ME1: variants seen among roughly 807,000 people sequenced by gnomAD.
ME1 encodes the protein malic enzyme 1, also known as NADP-dependent malic enzyme.
In ME1, 74 loss-of-function variants were observed where a neutral mutation model predicts 66.4. The ratio of observed to expected loss-of-function variants is 1.11; its 90% CI spans 0.92 to 1.35. The LOEUF is 1.35. Ranked by LOEUF, ME1 falls within the 40% of genes most tolerant of loss-of-function variation. The pLI, the probability that ME1 is intolerant of heterozygous loss-of-function variation, is 0.00. For synonymous variants in ME1, 251 were observed against 235.6 expected (o/e 1.07, Z -0.60); for missense variants, 750 against 694.1 (o/e 1.08, Z -0.90).
intron 3 of ME1, among the ~76,000 whole-genome samples, chr6:83,368,480 A>G (rs978621872): frequency 1.3e-5 from 2 of 151,950 alleles, no homozygotes; most frequent in Admixed American, 6.6e-5. Context: ...ATATTTCCAC[A>G]TGTTTTGCAT....
At chr6:83,354,580 A>G (rs1009002350) in intron 3 of ME1, among the ~76,000 whole-genome samples, 3 of 152,208 alleles carry the variant, frequency 2.0e-5, no homozygotes, top group African/African-American at 7.2e-5. Context: ...TTGGCTCCTC[A>G]GACAGGCCTT....
intron 1 of ME1, among the ~76,000 whole-genome samples, chr6:83,424,176 A>T (rs1770324421): frequency 6.6e-6 from 1 of 152,150 alleles, no homozygotes; most frequent in African/African-American, 2.4e-5. Context: ...TAGAGATATA[A>T]GAGGATATAA....
Position 83,392,876 on chromosome 6 carries a change from C to T in ME1, c.362+5491G>A, listed in dbSNP as rs1769651449. On this transcript the variant is annotated intron_variant, in intron 3 of 13. Coordinates refer to ENST00000369705, the MANE Select transcript of ME1 (RefSeq NM_002395.6). ...TTATCAGCAATGCCTCCTGCACCAC[C>T]AGCTGCTTAACGCCCCTGGCCAAGG... 106 of 786,594 alleles carry T rather than the reference C, an allele frequency of 1.3e-4. 1 individual carries two copies. The highest frequency in any genetic ancestry group is 1.3e-3 in the South Asian group (97 of 75,236). The allele number at this position is 786,594 out of a possible 1,614,324, so 48.7% of individuals were successfully genotyped here. A position where few individuals can be genotyped will look rare whatever the true frequency, so the allele number is the denominator to read the frequency against.
chr6:83,303,303 T>C (rs1269463462), intron 6 of ME1, among the ~76,000 whole-genome samples: 1 of 152,212 alleles, frequency 6.6e-6, no homozygotes, highest in Non-Finnish European at 1.5e-5. Context: ...CTTGTATCTA[T>C]GTACCTTTTT....
intron 3 of ME1, among the ~76,000 whole-genome samples, chr6:83,366,418 T>C (rs1769101564): frequency 6.6e-6 from 1 of 152,154 alleles, no homozygotes; most frequent in Admixed American, 6.5e-5. Context: ...CACTTTCTTA[T>C]ATGTCTGTCC....
At chr6:83,382,816 T>C (rs1327167605) in intron 3 of ME1, among the ~76,000 whole-genome samples, 3 of 150,482 alleles carry the variant, frequency 2.0e-5, no homozygotes, top group Non-Finnish European at 4.4e-5. Flanking sequence ...TCTAGGAATA[T>C]GTATTGGCTA....
rs71545854 is a variant in ME1, at chr6:83,283,227, CAAAA to C, written c.705-29493_705-29490del. Among the ~76,000 whole-genome samples, 32 of 28,914 alleles carry C rather than the reference CAAAA, an allele frequency of 1.1e-3. 3 individuals carry two copies. The highest frequency in any genetic ancestry group is 4.2e-3 in the East Asian group (4 of 958). 19.0% of individuals were successfully genotyped at this position (28,914 alleles called of 152,430 possible). ...TGGGCGACAGAGCAAGACTCCGTCT[CAAAA>C]AAAAAAAAAAAAAAAAATGATGAGT... On this transcript the variant is annotated intron_variant, in intron 6 of 13. Transcript: ENST00000369705.
At chr6:83,260,176 C>CAAA (rs11386903) in intron 6 of ME1, among the ~76,000 whole-genome samples, 1 of 143,464 alleles carries the variant, frequency 7.0e-6, no homozygotes. Flanking sequence ...TAGCAAGGAC[C>CAAA]AAAAAAAAAA....
rs1769787510 is a variant in ME1 at position 83,398,639 on chromosome 6, T to C, written c.213-123A>G. 1.5e-5 allele frequency: 8 copies of C among 537,616 alleles called. 1 individual carries two copies. The South Asian group carries it at 2.7e-4, about 18-fold the overall frequency. 33.3% of individuals were successfully genotyped at this position (537,616 alleles called of 1,614,324 possible). On this transcript the variant is annotated intron_variant, in intron 2 of 13. Coordinates refer to ENST00000369705, the MANE Select transcript of ME1 (RefSeq NM_002395.6). ...TTTAGGTTACATAGAAAACATCTGA[T>C]TAAAAAAGACTTAAGAAATATTCTT...
At chr6:83,298,282 G>C (rs1024715774) in intron 6 of ME1, among the ~76,000 whole-genome samples, 2 of 152,150 alleles carry the variant, frequency 1.3e-5, no homozygotes, top group Admixed American at 1.3e-4. Flanking sequence ...GTATCTCATT[G>C]TGGTTTTGAT....
chr6:83,410,442 G>A (rs1445036310), intron 1 of ME1, among the ~76,000 whole-genome samples: 4 of 152,044 alleles, frequency 2.6e-5, no homozygotes, highest in African/African-American at 7.2e-5. Flanking sequence ...TAAAATGGAA[G>A]ACAAACTTCA....
chr6:83,286,264 G>C (rs1406081494), intron 6 of ME1, among the ~76,000 whole-genome samples: 1 of 152,072 alleles, frequency 6.6e-6, no homozygotes, highest in Non-Finnish European at 1.5e-5. Flanking sequence ...TAGTTGTTTT[G>C]AGAATAAAAA....
At chr6:83,406,172 A>T (rs989463817) in intron 2 of ME1, among the ~76,000 whole-genome samples, 2 of 152,180 alleles carry the variant, frequency 1.3e-5, no homozygotes, top group African/African-American at 4.8e-5. Context: ...CATCCCAGGG[A>T]TGAAGCCAAC....
intron 6 of ME1, among the ~76,000 whole-genome samples, chr6:83,299,852 A>G (rs1000104910): frequency 3.3e-5 from 5 of 152,170 alleles, no homozygotes; most frequent in African/African-American, 1.2e-4. Context: ...GCTTCTATTA[A>G]GATAATCACA....
chr6:83,289,922 A>G (rs551641468), intron 6 of ME1, among the ~76,000 whole-genome samples: 1 of 152,234 alleles, frequency 6.6e-6, no homozygotes, highest in South Asian at 2.1e-4. Flanking sequence ...ATTTGCATAC[A>G]GGTGTTTATA....
intron 6 of ME1, among the ~76,000 whole-genome samples, chr6:83,288,677 T>C (rs1185286065): frequency 6.6e-6 from 1 of 152,190 alleles, no homozygotes; most frequent in Non-Finnish European, 1.5e-5. Flanking sequence ...AGCAGTTTTT[T>C]CTAATTCTGT....
chr6:83,322,824 C>T (rs1000640727), intron 5 of ME1, among the ~76,000 whole-genome samples: 3 of 152,186 alleles, frequency 2.0e-5, no homozygotes, highest in South Asian at 2.1e-4. Flanking sequence ...AGATACTCCT[C>T]GACAAAAGCA....
intron 3 of ME1, among the ~76,000 whole-genome samples, chr6:83,382,899 T>C (rs1190961369): frequency 6.6e-6 from 1 of 151,826 alleles, no homozygotes; most frequent in Non-Finnish European, 1.5e-5. Flanking sequence ...TCCATGAAGG[T>C]AGTTTTTAGA....
chr6:83,307,825 G>A (rs1203040438), intron 6 of ME1, among the ~76,000 whole-genome samples: 1 of 152,040 alleles, frequency 6.6e-6, no homozygotes, highest in Non-Finnish European at 1.5e-5. Flanking sequence ...AGGGTGAAGA[G>A]CACATATTAA....
Sources: allele counts gnomAD v4.1 joint callset (sites outside exome capture counted in the v4.1 genomes callset), GRCh38; gene constraint gnomAD v4.1.1; transcripts MANE v1.5; gene names NCBI Gene and HGNC (gene_info 2026-07-23, HGNC 2026-07-21).